The following RASAL2 variants were observed in gnomAD, a reference collection of about 807,000 sequenced individuals.
The protein encoded by RASAL2 is ras GTPase-activating protein nGAP.
RASAL2 carries 58 observed loss-of-function variants against 128.9 expected under a neutral mutation model. The ratio of observed to expected loss-of-function variants is 0.45; its 90% confidence interval spans 0.36 to 0.56. The LOEUF (loss-of-function observed/expected upper bound fraction) is 0.56. Among genes scored for constraint, RASAL2 ranks in the 20% least tolerant of loss-of-function variants. The probability of loss-of-function intolerance (pLI) is 0.00; values close to 1 mark genes in which losing one functional copy is unlikely to be tolerated. For missense variants in RASAL2, 1,360 were observed against 1,601.6 expected (o/e 0.85, Z 2.57); for synonymous variants, 561 against 580.8 (o/e 0.97, Z 0.49).
chr1:178,340,710 G>A (rs1028811257), intron 3 of RASAL2, among the ~76,000 whole-genome samples: 9 of 152,042 alleles, frequency 5.9e-5, no homozygotes, highest in African/African-American at 2.2e-4. Context: ...AGGAAATCAG[G>A]CATCAGCTTC....
At chr1:178,465,498 C>T (rs1246094430) in intron 15 of RASAL2, among the ~76,000 whole-genome samples, 1 of 152,106 alleles carries the variant, frequency 6.6e-6, no homozygotes, top group Admixed American at 6.6e-5. Context: ...AGACAACTGA[C>T]TTTTGGCTTA....
At chr1:178,254,015 C>A (rs1243552131) in intron 1 of RASAL2, among the ~76,000 whole-genome samples, 1 of 152,132 alleles carries the variant, frequency 6.6e-6, no homozygotes, top group Non-Finnish European at 1.5e-5. Context: ...TGAAATTAGG[C>A]TTAAAATTTA....
chr1:178,371,653 G>T (rs955387102), intron 3 of RASAL2, among the ~76,000 whole-genome samples: 1 of 152,116 alleles, frequency 6.6e-6, no homozygotes, highest in Non-Finnish European at 1.5e-5. Flanking sequence ...TTCGTAAAGG[G>T]GGCTGTTGAA....
At chr1:178,470,831 TC>T in intron 17 of RASAL2, 1 of 920,516 alleles carries the variant, frequency 1.1e-6, no homozygotes, top group Admixed American at 2.3e-5. Flanking sequence ...TGGGAATCCT[TC>T]CTGTCAGGTG....
intron 5 of RASAL2, among the ~76,000 whole-genome samples, chr1:178,427,855 G>A (rs945046631): frequency 3.3e-5 from 5 of 151,986 alleles, no homozygotes; most frequent in Non-Finnish European, 7.4e-5. Flanking sequence ...CTACTACCAT[G>A]ATCAAGATAA....
chr1:178,375,587 G>A (rs552873679), intron 3 of RASAL2, among the ~76,000 whole-genome samples: 20 of 152,212 alleles, frequency 1.3e-4, no homozygotes, highest in African/African-American at 4.3e-4. Flanking sequence ...CACAAGGAGG[G>A]CTTAATCCTC....
At chr1:178,365,082 A>G (rs1031833705) in intron 3 of RASAL2, among the ~76,000 whole-genome samples, 3 of 151,696 alleles carry the variant, frequency 2.0e-5, no homozygotes, top group African/African-American at 7.3e-5. Flanking sequence ...ATTACTTTAC[A>G]TCTTGATAGC....
Position 178,442,031 on chromosome 1 carries a change from A to G in RASAL2, c.927+384A>G, listed in dbSNP as rs377111238. On this transcript the variant is annotated intron_variant, in intron 7 of 17. Coordinates refer to ENST00000367649, the MANE Select transcript of RASAL2 (RefSeq NM_170692.4). The stretch of plus-strand genomic sequence containing the variant: ...TGTGTGTGTGAGTGACTTGGGGGGA[A>G]GGTGCCACACACTTTTAAACCACCA... Among the ~76,000 whole-genome samples, 38 of 152,072 alleles carry G rather than the reference A, an allele frequency of 2.5e-4. No individual in the cohort carries two copies. In the East Asian group the frequency reaches 6.4e-3, roughly 26 times the overall value.
At chr1:178,256,696 C>T (rs1448738600) in intron 1 of RASAL2, among the ~76,000 whole-genome samples, 1 of 152,172 alleles carries the variant, frequency 6.6e-6, no homozygotes, top group East Asian at 1.9e-4. Flanking sequence ...TTGTTTGAGA[C>T]AGAGTCTTGC....
At chr1:178,116,618 TA>T (rs1415635402) in intron 1 of RASAL2, among the ~76,000 whole-genome samples, 1 of 152,204 alleles carries the variant, frequency 6.6e-6, no homozygotes, top group African/African-American at 2.4e-5. Context: ...TATTTTATTT[TA>T]TTTTTTTTGA....
intron 1 of RASAL2, among the ~76,000 whole-genome samples, chr1:178,107,362 C>G (rs1175901403): frequency 6.6e-6 from 1 of 152,024 alleles, no homozygotes; most frequent in Non-Finnish European, 1.5e-5. Flanking sequence ...CTCTTTGAGA[C>G]CCATGTGGAT....
intron 1 of RASAL2, among the ~76,000 whole-genome samples, chr1:178,209,105 T>TA (rs1449299255): frequency 1.3e-5 from 2 of 152,180 alleles, no homozygotes; most frequent in Non-Finnish European, 2.9e-5. Flanking sequence ...TTTTTTCAAG[T>TA]ATGCCATGAT....
At chr1:178,317,598 C>G (rs1225848682) in intron 3 of RASAL2, among the ~76,000 whole-genome samples, 3 of 149,512 alleles carry the variant, frequency 2.0e-5, no homozygotes, top group Non-Finnish European at 4.5e-5. Flanking sequence ...TTGTAGTATT[C>G]TCTGATGGTA....
At chr1:178,286,991 A>T (rs1229385695) in intron 2 of RASAL2, among the ~76,000 whole-genome samples, 1 of 151,714 alleles carries the variant, frequency 6.6e-6, no homozygotes, top group African/African-American at 2.4e-5. Context: ...CAATCCTTCA[A>T]CCCTTCTGAG....
chr1:178,140,377 GT>G (rs1289514741), intron 1 of RASAL2, among the ~76,000 whole-genome samples: 2 of 152,112 alleles, frequency 1.3e-5, no homozygotes, highest in African/African-American at 4.8e-5. Flanking sequence ...GTATTATACA[GT>G]TCTATGGTTT....
chr1:178,380,913 A>G (rs554302931), intron 3 of RASAL2, among the ~76,000 whole-genome samples: 1 of 152,302 alleles, frequency 6.6e-6, no homozygotes, highest in South Asian at 2.1e-4. Context: ...ATCAAAGAAT[A>G]TGAACTTATA....
intron 3 of RASAL2, among the ~76,000 whole-genome samples, chr1:178,347,388 C>G (rs1156683094): frequency 6.6e-6 from 1 of 152,094 alleles, no homozygotes; most frequent in Non-Finnish European, 1.5e-5. Flanking sequence ...AGATTTAGTT[C>G]AGATGTTGCT....
intron 1 of RASAL2, among the ~76,000 whole-genome samples, chr1:178,236,163 G>A (rs1016912579): frequency 1.3e-5 from 2 of 152,034 alleles, no homozygotes; most frequent in African/African-American, 2.4e-5. Context: ...AGGTGCAAAG[G>A]ATCTGACCCA....
intron 1 of RASAL2, among the ~76,000 whole-genome samples, chr1:178,183,344 A>G (rs1662180139): frequency 6.6e-6 from 1 of 152,228 alleles, no homozygotes; most frequent in Non-Finnish European, 1.5e-5. Flanking sequence ...TTAAATTTGT[A>G]TCCTTTAAGA....
Sources: gnomAD v4.1 joint callset for allele counts (sites outside exome capture counted in the v4.1 genomes callset) on GRCh38, gnomAD v4.1.1 for gene constraint, MANE v1.5 for transcripts, NCBI Gene and HGNC (gene_info 2026-07-23, HGNC 2026-07-21) for gene names.